The following EPB41L2 variants were observed in gnomAD, a reference collection of about 807,000 sequenced individuals.
The protein encoded by EPB41L2 is band 4.1-like protein 2.
A neutral mutation model predicts 113.0 loss-of-function variants in EPB41L2; 43 were observed. The observed-to-expected ratio is 0.38, with a 90% CI of 0.30 to 0.49. EPB41L2 has a LOEUF of 0.49. Ranked by LOEUF, EPB41L2 falls within the 20% of genes least tolerant of loss-of-function variation. The pLI is 0.95. For synonymous variants in EPB41L2, 442 were observed against 436.7 expected (o/e 1.01, Z -0.15); for missense variants, 1,147 against 1,223.4 (o/e 0.94, Z 0.93).
intron 1 of EPB41L2, among the ~76,000 whole-genome samples, chr6:131,044,333 CTTTT>C (rs1795022460): frequency 6.6e-6 from 1 of 151,558 alleles, no homozygotes. Flanking sequence ...GCCAATAATG[CTTTT>C]TTGTTTAAAA....
At chr6:131,061,538 GC>G (rs1468207135) in intron 1 of EPB41L2, among the ~76,000 whole-genome samples, 1 of 152,164 alleles carries the variant, frequency 6.6e-6, no homozygotes, top group Non-Finnish European at 1.5e-5. Context: ...TTGCAATGCA[GC>G]CCCCATCAGT....
Position 130,898,218 on chromosome 6 carries a change from G to A in EPB41L2, c.1236+1273C>T, listed in dbSNP as rs1213629471. 3.9e-5 allele frequency among the ~76,000 whole-genome samples: 6 copies of A among 152,094 alleles called. No homozygotes were observed. The East Asian group carries it at 1.2e-3, about 29-fold the overall frequency. The stretch of plus-strand genomic sequence containing the variant: ...TATTTTCTATGATGAACATGTATTA[G>A]TTTTGTAATAAAGAAAAATATTTAA... On this transcript the variant is annotated intron_variant, in intron 8 of 19. Transcript: ENST00000337057.
At chr6:130,937,821 GA>G (rs66505919) in intron 3 of EPB41L2, among the ~76,000 whole-genome samples, 61,206 of 129,786 alleles carry the variant, frequency 0.47, 14,906 homozygotes, top group South Asian at 0.56. Flanking sequence ...ATCTCAAAAA[GA>G]AAAAAAAAAA....
chr6:131,026,585 C>T (rs1790908828), intron 1 of EPB41L2, among the ~76,000 whole-genome samples: 1 of 152,304 alleles, frequency 6.6e-6, no homozygotes, highest in Admixed American at 6.5e-5. Flanking sequence ...GAGAACTGAA[C>T]AAAGTAAATG....
chr6:130,959,407 T>A (rs1818594364), intron 1 of EPB41L2, among the ~76,000 whole-genome samples: 1 of 151,874 alleles, frequency 6.6e-6, no homozygotes, highest in Non-Finnish European at 1.5e-5. Flanking sequence ...ACTGAGAGGA[T>A]CCTTAAAAGA....
At chr6:130,936,355 A>G (rs148414598) in intron 3 of EPB41L2, among the ~76,000 whole-genome samples, 392 of 152,308 alleles carry the variant, frequency 2.6e-3, no homozygotes, top group Middle Eastern at 0.014. Context: ...GTTATAGCCA[A>G]TGTCTCTCTT....
chr6:130,935,438 T>C (rs1233924621), intron 3 of EPB41L2, among the ~76,000 whole-genome samples: 1 of 152,192 alleles, frequency 6.6e-6, no homozygotes, highest in African/African-American at 2.4e-5. Context: ...TTTTGAAATA[T>C]TTCAGAATTC....
intron 1 of EPB41L2, among the ~76,000 whole-genome samples, chr6:131,008,592 T>C (rs1183837040): frequency 6.6e-6 from 1 of 152,172 alleles, no homozygotes; most frequent in Non-Finnish European, 1.5e-5. Flanking sequence ...GCTTGCACCT[T>C]GTCCCTGGAA....
rs949802271 is a variant in EPB41L2 at position 131,035,009 on chromosome 6, T to A, written c.-15+28146A>T. Among the ~76,000 whole-genome samples, 4 of 152,260 alleles carry A rather than the reference T, an allele frequency of 2.6e-5. No homozygotes were observed. The East Asian group carries it at 7.7e-4, about 29-fold the overall frequency. On this transcript the variant is annotated intron_variant, in intron 1 of 19. Transcript: ENST00000337057. The stretch of plus-strand genomic sequence containing the variant: ...CTACAAAAGGACAATCATTCACACA[T>A]CCCACATCCACAAGAAAATGACTTG...
intron 1 of EPB41L2, among the ~76,000 whole-genome samples, chr6:130,993,598 C>T (rs750030339): frequency 8.5e-5 from 13 of 152,144 alleles, no homozygotes; most frequent in Non-Finnish European, 1.2e-4. Context: ...AGGTAGTACC[C>T]AGACGGCCTC....
intron 1 of EPB41L2, among the ~76,000 whole-genome samples, chr6:130,993,779 CCTAT>C (rs1243535605): frequency 1.3e-5 from 2 of 152,142 alleles, no homozygotes; most frequent in Non-Finnish European, 2.9e-5. Flanking sequence ...ATCTTTCATT[CCTAT>C]CTATTTGGTT....
At chr6:131,022,651 A>T (rs562970751) in intron 1 of EPB41L2, among the ~76,000 whole-genome samples, 90 of 152,192 alleles carry the variant, frequency 5.9e-4, no homozygotes, top group Non-Finnish European at 1.2e-3. Flanking sequence ...GTTCAAATGA[A>T]TCAAAGCACT....
At chr6:130,870,327 C>T in intron 14 of EPB41L2, 3 of 1,550,658 alleles carry the variant, frequency 1.9e-6, no homozygotes, top group South Asian at 1.2e-5. Context: ...AAGGGGAGAA[C>T]CTTAACAGCA....
chr6:130,851,144 A>C (rs904771070), intron 19 of EPB41L2, among the ~76,000 whole-genome samples: 45 of 152,350 alleles, frequency 3.0e-4, no homozygotes, highest in African/African-American at 1.1e-3. Flanking sequence ...CAGAACTGAA[A>C]TAGTCATCTG....
At chr6:130,904,938 A>G (rs1797297011) in intron 5 of EPB41L2, among the ~76,000 whole-genome samples, 1 of 146,852 alleles carries the variant, frequency 6.8e-6, no homozygotes, top group Non-Finnish European at 1.5e-5. Flanking sequence ...TTTAAAATTC[A>G]GGATTTTCTA....
intron 1 of EPB41L2, among the ~76,000 whole-genome samples, chr6:131,040,873 C>T (rs904220391): frequency 1.3e-5 from 2 of 152,024 alleles, no homozygotes; most frequent in Non-Finnish European, 2.9e-5. Flanking sequence ...AGAGTTTAGA[C>T]GAATGAATTA....
intron 4 of EPB41L2, among the ~76,000 whole-genome samples, chr6:130,915,667 T>C (rs886758303): frequency 6.6e-6 from 1 of 152,200 alleles, no homozygotes; most frequent in African/African-American, 2.4e-5. Flanking sequence ...CCAAATCTCA[T>C]CTTGTAGCTC....
At chr6:130,920,494 C>CT (rs1802527542) in intron 4 of EPB41L2, among the ~76,000 whole-genome samples, 1 of 152,116 alleles carries the variant, frequency 6.6e-6, no homozygotes, top group African/African-American at 2.4e-5. Flanking sequence ...TCAAATTTCT[C>CT]TTTTTTTCTT....
chr6:130,904,538 G>A lies in EPB41L2; in HGVS notation c.856C>T (p.Leu286Phe), dbSNP rs748809682. 4.4e-6 allele frequency: 7 copies of A among 1,589,832 alleles called. No homozygotes were observed. Among genetic ancestry groups the A allele is most frequent in the South Asian group, 2.3e-5 (2 of 88,226 alleles). ...AKEIKRQLRN[L>F]PWLFTFNVKF... The stretch of plus-strand genomic sequence containing the variant: ...ACATTAAAAGTGAATAGCCATGGAA[G>A]GTCTGTAATTATTAAATATCACAGT... Residue 286 changes from leucine (L) to phenylalanine (F), a missense_variant and splice_region_variant, in exon 6 of 20, where the codon CTT becomes TTT. Transcript: ENST00000337057.
Sources: allele counts gnomAD v4.1 joint callset (sites outside exome capture counted in the v4.1 genomes callset), GRCh38; gene constraint gnomAD v4.1.1; transcripts MANE v1.5; gene names NCBI Gene and HGNC (gene_info 2026-07-23, HGNC 2026-07-21).